UNC13C: variants seen among roughly 807,000 people sequenced by gnomAD.
UNC13C encodes protein unc-13 homolog C.
A neutral mutation model predicts 245.4 loss-of-function variants in UNC13C; 174 were observed. That is an observed-to-expected ratio of 0.71 (90% CI 0.63 to 0.80). The LOEUF (loss-of-function observed/expected upper bound fraction) is 0.80, where lower values mean the gene tolerates loss of function less well. Ranked by LOEUF, UNC13C falls within the 30% of genes least tolerant of loss-of-function variation. UNC13C has a pLI of 0.00. For synonymous variants in UNC13C, 992 were observed against 895.1 expected (o/e 1.11, Z -1.93); for missense variants, 2,829 against 2,602.9 (o/e 1.09, Z -1.89).
intron 4 of UNC13C, among the ~76,000 whole-genome samples, chr15:54,173,606 A>G (rs1181641070): frequency 1.3e-5 from 2 of 152,028 alleles, no homozygotes; most frequent in Non-Finnish European, 2.9e-5. Flanking sequence ...TTTTCATAAC[A>G]TTGTTGCAGA....
chr15:54,364,199 T>G (rs2039303555), intron 17 of UNC13C, among the ~76,000 whole-genome samples: 6 of 152,148 alleles, frequency 3.9e-5, no homozygotes, highest in Admixed American at 3.3e-4. Context: ...GTCTTGATAG[T>G]TGAAGATTAC....
chr15:53,927,625 C>T, the UNC13C span, among the ~76,000 whole-genome samples: 98 of 152,200 alleles, frequency 6.4e-4, 1 homozygote, highest in Admixed American at 2.2e-3. Context: ...GTGCCATGTA[C>T]AGAACACAAG....
chr15:54,008,968 T>G (rs1188933783), intron 1 of UNC13C, among the ~76,000 whole-genome samples: 1 of 152,242 alleles, frequency 6.6e-6, no homozygotes, highest in Non-Finnish European at 1.5e-5. Flanking sequence ...GGAGATAATT[T>G]AAGTTTCTGA....
At chr15:54,500,357 T>TTA (rs545612235) in intron 21 of UNC13C, among the ~76,000 whole-genome samples, 182 bp downstream of exon 21, 2 of 144,234 alleles carry the variant, frequency 1.4e-5, no homozygotes, top group African/African-American at 5.1e-5. Flanking sequence ...CTACATTTAT[T>TTA]AAAAAAAAAA....
intron 4 of UNC13C, among the ~76,000 whole-genome samples, chr15:54,209,644 G>A (rs1411349673): frequency 1.3e-5 from 2 of 151,982 alleles, no homozygotes; most frequent in Non-Finnish European, 2.9e-5. Flanking sequence ...GAACTCCTGG[G>A]CTCAAACAGT....
At chr15:54,008,050 T>C (rs1218525199) in intron 1 of UNC13C, among the ~76,000 whole-genome samples, 1 of 152,250 alleles carries the variant, frequency 6.6e-6, no homozygotes, top group Non-Finnish European at 1.5e-5. Flanking sequence ...AATTGTTTGT[T>C]GATCTGAAAA....
At chr15:53,919,978 A>G in the UNC13C span, among the ~76,000 whole-genome samples, 6 of 152,036 alleles carry the variant, frequency 3.9e-5, no homozygotes, top group East Asian at 3.9e-4. Context: ...TTTTTTTCCA[A>G]TCCATCTTTT....
intron 29 of UNC13C, among the ~76,000 whole-genome samples, chr15:54,562,587 T>G (rs1897338970): frequency 6.6e-6 from 1 of 152,034 alleles, no homozygotes; most frequent in Non-Finnish European, 1.5e-5. Context: ...GCATTATTAT[T>G]GGAAATTTTT....
At chr15:54,165,472 G>A (rs553813525) in intron 4 of UNC13C, among the ~76,000 whole-genome samples, 15 of 152,240 alleles carry the variant, frequency 9.9e-5, no homozygotes, top group Non-Finnish European at 2.1e-4. Context: ...GAGGGATAAA[G>A]ATGAAGTCTA....
chr15:54,150,316 A>G (rs921966533), intron 4 of UNC13C, among the ~76,000 whole-genome samples: 1 of 152,226 alleles, frequency 6.6e-6, no homozygotes, highest in Middle Eastern at 3.2e-3. Context: ...GTTGGGCACA[A>G]TCATGCCACA....
At chr15:53,912,404 G>A in the UNC13C span, 3,074 of 152,282 alleles carry the variant, frequency 0.02, 53 homozygotes, top group Non-Finnish European at 0.033. Context: ...AATGTACAGC[G>A]GGCCCTAGCA....
intron 2 of UNC13C, among the ~76,000 whole-genome samples, chr15:54,117,014 C>T (rs529576771): frequency 6.6e-6 from 1 of 152,152 alleles, no homozygotes; most frequent in South Asian, 2.1e-4. Context: ...ATGCATTTCC[C>T]TGATGATTGG....
At position 54,587,685 on chromosome 15, in the gene UNC13C, G is replaced by A. The variant is rs563382561; in HGVS notation, c.6106+19738G>A. On this transcript the variant is annotated intron_variant, in intron 30 of 32. Coordinates refer to ENST00000260323, the MANE Select transcript of UNC13C (RefSeq NM_001080534.3). ...CTCTGGCAATCAGACTTGGAGGAAG[G>A]CAAGTGAAGGCCAGGTGAGAATGAG... 1.1e-4 allele frequency among the ~76,000 whole-genome samples: 17 copies of A among 152,196 alleles called. No homozygotes were observed. The East Asian group carries it at 3.3e-3, about 29-fold the overall frequency.
At chr15:54,166,411 TACAAAATTATATATATTTGTA>T (rs2033163705) in intron 4 of UNC13C, among the ~76,000 whole-genome samples, 1 of 152,070 alleles carries the variant, frequency 6.6e-6, no homozygotes, top group African/African-American at 2.4e-5. Flanking sequence ...TATTATTATG[TACAAAATTATATATATTTGTA>T]ACCAAATTGT....
chr15:53,845,075 C>G, the UNC13C span, among the ~76,000 whole-genome samples: 2 of 152,086 alleles, frequency 1.3e-5, no homozygotes, highest in African/African-American at 4.8e-5. Context: ...TCTGAAATCC[C>G]AGCACTTTGG....
Position 54,516,378 on chromosome 15 carries a change from T to C in UNC13C, c.5457+4548T>C, listed in dbSNP as rs113020376. 3.4e-3 allele frequency among the ~76,000 whole-genome samples: 520 copies of C among 152,322 alleles called. 2 individuals are homozygous for C. The highest frequency in any genetic ancestry group is 0.012 in the African/African-American group (495 of 41,590). ...ATGAAAAACACACATCACTGAACTC[T>C]ACCCCCAGTGTATTTGATTCAGTAC... On this transcript the variant is annotated intron_variant, in intron 24 of 32. Coordinates refer to ENST00000260323, the MANE Select transcript of UNC13C (RefSeq NM_001080534.3).
rs35497334 is a variant in UNC13C at position 54,495,123 on chromosome 15, A to G, written c.5060+389A>G. On this transcript the variant is annotated intron_variant, in intron 20 of 32. Coordinates refer to ENST00000260323, the MANE Select transcript of UNC13C (RefSeq NM_001080534.3). ...ACTTGTAACTCTCTTAGGAATTCAT[A>G]TTTCTAAAAATAGAAATAGTGGTTT... 5.8e-3 allele frequency among the ~76,000 whole-genome samples: 879 copies of G among 152,156 alleles called. 3 individuals carry two copies. The highest frequency in any genetic ancestry group is 9.1e-3 in the Non-Finnish European group (620 of 67,906).
chr15:54,147,218 AC>A (rs2032299787), intron 4 of UNC13C, among the ~76,000 whole-genome samples: 2 of 70,938 alleles, frequency 2.8e-5, no homozygotes. Context: ...TGATGAAACT[AC>A]CTTTTTTTTT....
At chr15:54,446,031 A>G (rs1162239628) in intron 19 of UNC13C, among the ~76,000 whole-genome samples, 1 of 152,090 alleles carries the variant, frequency 6.6e-6, no homozygotes, top group Non-Finnish European at 1.5e-5. Context: ...TTTTCCCAGC[A>G]CCGTTTGTTG....
Sources: gnomAD v4.1 joint callset for allele counts (sites outside exome capture counted in the v4.1 genomes callset) on GRCh38, gnomAD v4.1.1 for gene constraint, MANE v1.5 for transcripts, NCBI Gene and HGNC (gene_info 2026-07-23, HGNC 2026-07-21) for gene names.